The following DKK2 variants were observed in gnomAD, a reference collection of about 807,000 sequenced individuals.
The protein encoded by DKK2 is dickkopf-related protein 2.
DKK2 carries 11 observed loss-of-function variants against 28.1 expected under a neutral mutation model. The observed-to-expected ratio is 0.39, with a 90% CI of 0.25 to 0.65. The LOEUF (loss-of-function observed/expected upper bound fraction) is 0.65, where lower values mean the gene tolerates loss of function less well. Among genes scored for constraint, DKK2 ranks in the 30% least tolerant of loss-of-function variants. The probability of loss-of-function intolerance (pLI) is 0.47; values close to 1 mark genes in which losing one functional copy is unlikely to be tolerated. For missense variants in DKK2, 326 were observed against 335.5 expected (o/e 0.97, Z 0.22); for synonymous variants, 135 against 126.5 (o/e 1.07, Z -0.45).
At chr4:106,971,341 G>T (rs115595396) in intron 1 of DKK2, among the ~76,000 whole-genome samples, 1,670 of 152,130 alleles carry the variant, frequency 0.011, 26 homozygotes, top group African/African-American at 0.037. Context: ...AGTAGCCCCA[G>T]AATTCACTTC....
At chr4:106,996,591 A>G (rs1251224101) in intron 1 of DKK2, among the ~76,000 whole-genome samples, 1 of 152,194 alleles carries the variant, frequency 6.6e-6, no homozygotes, top group Non-Finnish European at 1.5e-5. Flanking sequence ...ACAAAATTAC[A>G]GGGTCATGGG....
At position 107,035,660 on chromosome 4, in the gene DKK2, C is replaced by T; in HGVS notation, c.-69G>A. ...GTGGGAATGCAAAGGGAGGGAGGAC[C>T]CCAACACGGGGCCCCTCACTTGGGT... On this transcript the variant is annotated 5_prime_UTR_variant, in exon 1 of 4. Transcript: ENST00000285311. The T allele has an allele frequency of 1.3e-6, 2 of 1,561,908 alleles. No homozygotes were observed. Among genetic ancestry groups the T allele is most frequent in the South Asian group, 1.1e-5 (1 of 88,924 alleles).
chr4:107,025,271 G>A (rs1723756967), intron 1 of DKK2, among the ~76,000 whole-genome samples: 1 of 152,170 alleles, frequency 6.6e-6, no homozygotes, highest in Non-Finnish European at 1.5e-5. Flanking sequence ...CCAGGGAAGG[G>A]CCGTAGTCTA....
intron 1 of DKK2, among the ~76,000 whole-genome samples, chr4:106,964,717 C>A (rs1294255265): frequency 6.6e-6 from 1 of 151,960 alleles, no homozygotes; most frequent in African/African-American, 2.4e-5. Context: ...GGAGATTACC[C>A]TGGATAATGT....
At chr4:107,031,968 T>A (rs1723882170) in intron 1 of DKK2, among the ~76,000 whole-genome samples, 2 of 151,960 alleles carry the variant, frequency 1.3e-5, no homozygotes, top group African/African-American at 4.8e-5. Flanking sequence ...TTGTTTGAAA[T>A]TACTTTTAAT....
intron 1 of DKK2, among the ~76,000 whole-genome samples, chr4:106,940,792 G>A (rs145945174): frequency 0.062 from 9,364 of 152,082 alleles, 316 homozygotes; most frequent in Non-Finnish European, 0.074. Flanking sequence ...AAAAAGGATG[G>A]GTTCATGTCC....
intron 1 of DKK2, among the ~76,000 whole-genome samples, chr4:106,980,177 T>C (rs558306924): frequency 2.5e-4 from 38 of 152,196 alleles, no homozygotes; most frequent in Non-Finnish European, 4.3e-4. Context: ...ACTATCAATA[T>C]GCTTTGAAAC....
intron 1 of DKK2, among the ~76,000 whole-genome samples, chr4:107,012,040 A>G (rs1369733579): frequency 6.6e-6 from 1 of 151,298 alleles, no homozygotes; most frequent in Non-Finnish European, 1.5e-5. Flanking sequence ...CCTTTATAAC[A>G]GGAAGTCACT....
chr4:106,925,548 C>A (rs1724412687), intron 2 of DKK2, among the ~76,000 whole-genome samples: 1 of 152,146 alleles, frequency 6.6e-6, no homozygotes, highest in Non-Finnish European at 1.5e-5. Context: ...GAACATCTTG[C>A]TATTTATACA....
chr4:106,934,936 G>A (rs1724556997), intron 1 of DKK2, among the ~76,000 whole-genome samples: 1 of 152,090 alleles, frequency 6.6e-6, no homozygotes, highest in African/African-American at 2.4e-5. Context: ...ACACAAGAAG[G>A]CAGGAAGCAT....
intron 1 of DKK2, among the ~76,000 whole-genome samples, chr4:106,968,419 C>T (rs978499816): frequency 4.6e-5 from 7 of 152,088 alleles, no homozygotes; most frequent in African/African-American, 1.7e-4. Context: ...AGTTCTCACA[C>T]AAGCCTTCTC....
intron 1 of DKK2, among the ~76,000 whole-genome samples, chr4:107,004,402 T>C (rs527936602): frequency 6.6e-6 from 1 of 152,320 alleles, no homozygotes; most frequent in Admixed American, 6.5e-5. Context: ...AATGTCTTCC[T>C]AAGAAATGTT....
intron 1 of DKK2, among the ~76,000 whole-genome samples, chr4:106,972,484 G>C (rs1246464918): frequency 6.6e-6 from 1 of 151,690 alleles, no homozygotes; most frequent in Non-Finnish European, 1.5e-5. Context: ...AAAAGACAAG[G>C]AGGGTAAGAT....
chr4:106,997,452 A>G (rs1249900922), intron 1 of DKK2, among the ~76,000 whole-genome samples: 3 of 152,180 alleles, frequency 2.0e-5, no homozygotes, highest in African/African-American at 7.2e-5. Context: ...GCATGCATGT[A>G]ATGCAATATG....
At chr4:107,011,121 A>C (rs955777403) in intron 1 of DKK2, among the ~76,000 whole-genome samples, 12 of 151,482 alleles carry the variant, frequency 7.9e-5, no homozygotes, top group African/African-American at 2.6e-4. Flanking sequence ...TAGCTTTTTC[A>C]TATAATTATG....
At chr4:106,950,366 A>G (rs1357182752) in intron 1 of DKK2, among the ~76,000 whole-genome samples, 1 of 152,054 alleles carries the variant, frequency 6.6e-6, no homozygotes, top group African/African-American at 2.4e-5. Context: ...GAATGTGTGC[A>G]TTGCTGCCAC....
chr4:107,031,323 A>G (rs1578385192), intron 1 of DKK2, among the ~76,000 whole-genome samples: 1 of 152,126 alleles, frequency 6.6e-6, no homozygotes, highest in East Asian at 1.9e-4. Flanking sequence ...AATTTCAGAA[A>G]GTAAAGAGAT....
At chr4:106,954,445 A>G (rs1255150131) in intron 1 of DKK2, among the ~76,000 whole-genome samples, 1 of 152,210 alleles carries the variant, frequency 6.6e-6, no homozygotes, top group Non-Finnish European at 1.5e-5. Context: ...TTTAATCAAG[A>G]TAACAATATA....
chr4:106,976,567 C>T (rs369896061), intron 1 of DKK2, among the ~76,000 whole-genome samples: 28 of 152,080 alleles, frequency 1.8e-4, no homozygotes, highest in African/African-American at 5.8e-4. Context: ...GCAACCTCTG[C>T]TTTTTTTTCT....
Sources: allele counts gnomAD v4.1 joint callset (sites outside exome capture counted in the v4.1 genomes callset), GRCh38; gene constraint gnomAD v4.1.1; transcripts MANE v1.5; gene names NCBI Gene and HGNC (gene_info 2026-07-23, HGNC 2026-07-21).